The following PALLD variants were observed in gnomAD, a reference collection of about 807,000 sequenced individuals.
The protein encoded by PALLD is palladin.
Under a neutral mutation model 123.5 loss-of-function variants are expected in PALLD, and 61 were observed. The ratio of observed to expected loss-of-function variants is 0.49; its 90% CI spans 0.40 to 0.61. The LOEUF (loss-of-function observed/expected upper bound fraction) is 0.61. PALLD is among the 20% of genes least tolerant of loss of function. The probability of loss-of-function intolerance (pLI) is 0.00; values close to 1 mark genes in which losing one functional copy is unlikely to be tolerated. For missense variants in PALLD, 1,273 were observed against 1,377.0 expected (o/e 0.92, Z 1.20); for synonymous variants, 465 against 496.4 (o/e 0.94, Z 0.84).
chr4:168,531,211 G>T (rs549858253), intron 2 of PALLD, among the ~76,000 whole-genome samples: 101 of 152,168 alleles, frequency 6.6e-4, no homozygotes, highest in Non-Finnish European at 1.3e-3. Flanking sequence ...TCTACTATTT[G>T]TCAGAATGTT....
Position 168,590,949 on chromosome 4 carries a change from G to A in PALLD, c.909-77241G>A, listed in dbSNP as rs181469705. Among the ~76,000 whole-genome samples the A allele has an allele frequency of 6.0e-3, 796 of 132,162 alleles. 5 individuals are homozygous for A. Among genetic ancestry groups the A allele is most frequent in the African/African-American group, 0.014 (490 of 34,212 alleles). The allele number at this position is 132,162 out of a possible 152,430, so 86.7% of individuals were successfully genotyped here. A position where few individuals can be genotyped will look rare whatever the true frequency, so the allele number is the denominator to read the frequency against. Reference sequence around the variant, plus strand: ...GGCTAGAGTGCAATGGTGCGATCTCGGCTCACTGCAACCTCCTCCCCCCAG... The same window carrying A: ...GGCTAGAGTGCAATGGTGCGATCTCAGCTCACTGCAACCTCCTCCCCCCAG... On this transcript the variant is annotated intron_variant, in intron 2 of 21. Coordinates refer to ENST00000505667, the MANE Select transcript of PALLD (RefSeq NM_001166108.2).
intron 10 of PALLD, among the ~76,000 whole-genome samples, chr4:168,784,798 G>A (rs1581454136): frequency 1.3e-5 from 2 of 152,048 alleles, no homozygotes; most frequent in East Asian, 3.9e-4. Context: ...AAGTTGTTAA[G>A]TGCACAGTAG....
intron 10 of PALLD, among the ~76,000 whole-genome samples, chr4:168,759,196 AAAAAAAATATATATAT>A (rs1462140164): frequency 2.7e-5 from 1 of 37,044 alleles, no homozygotes; most frequent in African/African-American, 1.3e-4. Flanking sequence ...AAAAAAAAAA[AAAAAAAATATATATAT>A]ATATATATAT....
chr4:168,923,927 TCAC>T (rs35508972), intron 18 of PALLD, among the ~76,000 whole-genome samples: 2,625 of 78,686 alleles, frequency 0.033, 59 homozygotes, highest in African/African-American at 0.055. Flanking sequence ...GGTAACATAA[TCAC>T]TAGTAGTGAA....
chr4:168,834,646 A>G, intron 10 of PALLD, among the ~76,000 whole-genome samples: 1 of 152,154 alleles, frequency 6.6e-6, no homozygotes, highest in East Asian at 1.9e-4. Context: ...CTGAGGCAGG[A>G]GAATCACTTG....
At chr4:168,497,860 C>T (rs1273651424) in intron 1 of PALLD, among the ~76,000 whole-genome samples, 4 of 152,108 alleles carry the variant, frequency 2.6e-5, no homozygotes, top group Non-Finnish European at 4.4e-5. Context: ...TTTTAAGTTG[C>T]ACATGAAATT....
rs1349168321 is a variant in PALLD, at chr4:168,927,916, ATTAT to A, written c.*1741_*1744del. Reference sequence around the variant, plus strand: ...CTTATGCAAAACACATGTATCTTTCATTATTTATAAGTGGCCTCTCTTAGCTCAG... The same window carrying A: ...CTTATGCAAAACACATGTATCTTTCATTATAAGTGGCCTCTCTTAGCTCAG... On this transcript the variant is annotated 3_prime_UTR_variant, in exon 22 of 22. Coordinates refer to ENST00000505667, the MANE Select transcript of PALLD (RefSeq NM_001166108.2). 1 of 201,366 alleles carries A rather than the reference ATTAT, an allele frequency of 5.0e-6. No homozygotes were observed. Among genetic ancestry groups the A allele is most frequent in the Non-Finnish European group, 1.0e-5 (1 of 97,644 alleles). 12.5% of individuals were successfully genotyped at this position (201,366 alleles called of 1,614,324 possible).
intron 10 of PALLD, among the ~76,000 whole-genome samples, chr4:168,830,130 G>T (rs1465212597): frequency 1.3e-5 from 2 of 151,666 alleles, no homozygotes; most frequent in Non-Finnish European, 2.9e-5. Flanking sequence ...TACTTGGGAG[G>T]CTGAGGCAGG....
At chr4:168,802,570 A>C (rs1163764508) in intron 10 of PALLD, among the ~76,000 whole-genome samples, 1 of 152,246 alleles carries the variant, frequency 6.6e-6, no homozygotes, top group Non-Finnish European at 1.5e-5. Context: ...ACTGCAGACG[A>C]CTAGAGTTGG....
chr4:168,681,442 G>T, intron 4 of PALLD, 44 bp downstream of exon 4: 1 of 1,235,220 alleles, frequency 8.1e-7, no homozygotes, highest in South Asian at 1.2e-5. Context: ...ACAAAGAATG[G>T]CAACAGAATG....
chr4:168,718,266 A>G (rs1785560853), intron 10 of PALLD, among the ~76,000 whole-genome samples: 1 of 152,242 alleles, frequency 6.6e-6, no homozygotes, highest in African/African-American at 2.4e-5. Context: ...CTGTTCTTGT[A>G]TAAACCTTAC....
intron 6 of PALLD, among the ~76,000 whole-genome samples, chr4:168,687,815 G>C (rs994092767): frequency 6.6e-6 from 1 of 152,140 alleles, no homozygotes; most frequent in Non-Finnish European, 1.5e-5. Flanking sequence ...CATTCTTTGT[G>C]CTAACAGCAC....
At chr4:168,854,068 A>G (rs2150993081) in intron 10 of PALLD, among the ~76,000 whole-genome samples, 1 of 152,342 alleles carries the variant, frequency 6.6e-6, no homozygotes, top group South Asian at 2.1e-4. Flanking sequence ...TACATAGATG[A>G]GAAAACAGAG....
intron 15 of PALLD, chr4:168,904,113 A>G: frequency 1.7e-6 from 1 of 572,606 alleles, no homozygotes; most frequent in Non-Finnish European, 3.1e-6. Flanking sequence ...GTGTTATTCT[A>G]CTCCTTCCAC....
rs766416032 is a variant in PALLD, at chr4:168,896,529, C to CT, written c.2200-13dup. 1.5e-5 allele frequency: 21 copies of CT among 1,403,456 alleles called. No homozygotes were observed. Among genetic ancestry groups the CT allele is most frequent in the Non-Finnish European group, 2.0e-5 (20 of 1,025,364 alleles). The allele number at this position is 1,403,456 out of a possible 1,614,324, so 86.9% of individuals were successfully genotyped here. A position where few individuals can be genotyped will look rare whatever the true frequency, so the allele number is the denominator to read the frequency against. ...TTATTTCTATTATTAGTCTTCACATCTTTTTTTCTACCATTACAGGACATT... is the reference window on the plus strand; with the variant it reads ...TTATTTCTATTATTAGTCTTCACATCTTTTTTTTCTACCATTACAGGACATT... On this transcript the variant is annotated intron_variant, in intron 12 of 21. Coordinates refer to ENST00000505667, the MANE Select transcript of PALLD (RefSeq NM_001166108.2).
intron 21 of PALLD, among the ~76,000 whole-genome samples, chr4:168,925,792 T>G (rs1762471637): frequency 6.6e-6 from 1 of 152,228 alleles, no homozygotes; most frequent in African/African-American, 2.4e-5. Context: ...GGCCTCAACC[T>G]TCCCTACTGT....
rs55952656 is a variant in PALLD at position 168,561,457 on chromosome 4, G to T, written c.908+49045G>T. ...TCAGCTAATTTTTAAATTTTTTTTT[G>T]GAAATAGGGGTCTTGCTATATTGAC... On this transcript the variant is annotated intron_variant, in intron 2 of 21. Transcript: ENST00000505667. Among the ~76,000 whole-genome samples, 1,509 of 151,612 alleles carry T rather than the reference G, an allele frequency of 1.0e-2. 25 individuals carry two copies. The highest frequency in any genetic ancestry group is 0.035 in the African/African-American group (1,435 of 41,304).
chr4:168,890,139 G>A (rs1753949571), intron 10 of PALLD, among the ~76,000 whole-genome samples: 1 of 152,170 alleles, frequency 6.6e-6, no homozygotes, highest in African/African-American at 2.4e-5. Context: ...CAACAGAAGT[G>A]ATTCTGTACC....
intron 2 of PALLD, among the ~76,000 whole-genome samples, chr4:168,594,995 T>C (rs1391000973): frequency 6.6e-6 from 1 of 152,178 alleles, no homozygotes; most frequent in Non-Finnish European, 1.5e-5. Flanking sequence ...AAATGAATTA[T>C]CTGTTTTGCA....
Sources: gnomAD v4.1 joint callset for allele counts (sites outside exome capture counted in the v4.1 genomes callset) on GRCh38, gnomAD v4.1.1 for gene constraint, MANE v1.5 for transcripts, NCBI Gene and HGNC (gene_info 2026-07-23, HGNC 2026-07-21) for gene names.